IQUB: variants seen among roughly 807,000 people sequenced by gnomAD.
IQUB encodes IQ motif and ubiquitin domain containing.
Under a neutral mutation model 86.4 loss-of-function variants are expected in IQUB, and 86 were observed. That is an observed-to-expected ratio of 1.00 (90% confidence interval 0.84 to 1.19). The LOEUF is 1.19. IQUB is among the 50% of genes most tolerant of loss of function. IQUB has a pLI of 0.00. For synonymous variants in IQUB, 289 were observed against 304.5 expected, an observed-to-expected ratio of 0.95 and a Z score of 0.53; for missense variants, 946 against 916.9, an observed-to-expected ratio of 1.03 and a Z score of -0.41.
In IQUB at chr7:123,465,016, A is replaced by G. The variant is rs202070150; in HGVS notation, c.1582-7T>C. ...TTAGTTTACATTCATGTTCCTATATAAAACACAAAAATATATGGTATAAAA... is the reference window on the plus strand; with the variant it reads ...TTAGTTTACATTCATGTTCCTATATGAAACACAAAAATATATGGTATAAAA... On this transcript the variant is annotated splice_region_variant and splice_polypyrimidine_tract_variant and intron_variant, in intron 9 of 12. Coordinates refer to ENST00000324698, the MANE Select transcript of IQUB (RefSeq NM_178827.5). The G allele has an allele frequency of 1.1e-5, 17 of 1,517,180 alleles. No homozygotes were observed. In the East Asian group the frequency reaches 3.3e-4, roughly 30 times the overall value. 94.0% of individuals were successfully genotyped at this position (1,517,180 alleles called of 1,614,324 possible).
At chr7:123,524,907 T>C (rs202189733) in intron 1 of IQUB, among the ~76,000 whole-genome samples, 40,414 of 151,428 alleles carry the variant, frequency 0.27, 5,661 homozygotes, top group Middle Eastern at 0.36. Flanking sequence ...GTTTTTAGCA[T>C]GAAGTGTTGT....
chr7:123,533,955 TAAAGCTTAAC>T (rs1285172677), intron 1 of IQUB, among the ~76,000 whole-genome samples: 1 of 152,244 alleles, frequency 6.6e-6, no homozygotes, highest in African/African-American at 2.4e-5. Flanking sequence ...CCCTACCATT[TAAAGCTTAAC>T]ACATTTAGAA....
At chr7:123,498,469 CA>C (rs1173259283) in intron 6 of IQUB, among the ~76,000 whole-genome samples, 3 of 151,958 alleles carry the variant, frequency 2.0e-5, no homozygotes, top group African/African-American at 7.2e-5. Flanking sequence ...AAAAGACTGG[CA>C]AAAATTTTAT....
At chr7:123,522,575 G>C (rs1584650387) in intron 1 of IQUB, among the ~76,000 whole-genome samples, 1 of 151,994 alleles carries the variant, frequency 6.6e-6, no homozygotes, top group South Asian at 2.1e-4. Context: ...CACACAATAA[G>C]CATATAATAA....
chr7:123,458,143 A>G (rs1027358342), intron 11 of IQUB: 1 of 152,022 alleles, frequency 6.6e-6, no homozygotes, highest in Non-Finnish European at 1.5e-5. Context: ...GTGTTAATTA[A>G]AAGACTTGGT....
chr7:123,472,963 G>C (rs531290497), intron 8 of IQUB, among the ~76,000 whole-genome samples: 7 of 152,260 alleles, frequency 4.6e-5, no homozygotes, highest in African/African-American at 1.7e-4. Flanking sequence ...AGACAGCACA[G>C]ACCCTGGAAG....
rs577897693 is a variant in IQUB, at chr7:123,475,940, T to C, written c.1410+3855A>G. Among the ~76,000 whole-genome samples, 4 of 152,318 alleles carry C rather than the reference T, an allele frequency of 2.6e-5. No homozygotes were observed. In the South Asian group the frequency reaches 8.3e-4, roughly 32 times the overall value. ...TTATAGCTTTCCTACAGTAAATTCA[T>C]CTTTCCTAGAATTAATATATTTAAG... On this transcript the variant is annotated intron_variant, in intron 8 of 12. Transcript: ENST00000324698.
At chr7:123,457,753 C>T (rs932282871) in intron 11 of IQUB, among the ~76,000 whole-genome samples, 187 bp from the exon 12 acceptor site, 1 of 151,936 alleles carries the variant, frequency 6.6e-6, no homozygotes, top group Non-Finnish European at 1.5e-5. Context: ...CATTATCAGT[C>T]TCACAGTTGC....
At chr7:123,474,795 G>GT (rs1794677414) in intron 8 of IQUB, among the ~76,000 whole-genome samples, 2 of 152,174 alleles carry the variant, frequency 1.3e-5, no homozygotes, top group South Asian at 4.1e-4. Context: ...AAGTCCCATT[G>GT]TATCAACTAA....
rs1354946268 is a variant in IQUB at position 123,457,451 on chromosome 7, G to A, written c.2123C>T (p.Ser708Phe). ...GGTAAGAAGAATGCAGTTCCAGGGG[G>A]ACCACTCCAGGGATTTATTCCATCT... ...MVRWNKSLEW[S>F]PWNCILLTKD... The change falls in exon 12 of 13, where the codon TCC (serine) becomes TTC (phenylalanine). Residue 708 changes from serine to phenylalanine, a missense_variant. Coordinates refer to ENST00000324698, the MANE Select transcript of IQUB (RefSeq NM_178827.5). The A allele has an allele frequency of 6.8e-6, 11 of 1,611,876 alleles. No individual in the cohort carries two copies. Among genetic ancestry groups the A allele is most frequent in the Non-Finnish European group, 8.5e-6 (10 of 1,178,904 alleles).
chr7:123,503,147 C>G, intron 4 of IQUB, 31 bp from the exon 5 acceptor site: 1 of 1,609,202 alleles, frequency 6.2e-7, no homozygotes, highest in Non-Finnish European at 8.5e-7. Flanking sequence ...TCAATGAAAG[C>G]TCAACCAAGA....
intron 1 of IQUB, among the ~76,000 whole-genome samples, chr7:123,531,272 A>G (rs948702053): frequency 6.6e-6 from 1 of 152,228 alleles, no homozygotes; most frequent in African/African-American, 2.4e-5. Flanking sequence ...CGTGAGGACC[A>G]TATAGTAAAT....
At chr7:123,462,697 G>GATT (rs1794052312) in intron 10 of IQUB, 2 of 316,772 alleles carry the variant, frequency 6.3e-6, no homozygotes, top group South Asian at 2.6e-5. Context: ...TATCTTGAAT[G>GATT]ATTATTTTAT....
intron 11 of IQUB, among the ~76,000 whole-genome samples, chr7:123,458,392 A>T (rs1793817873): frequency 6.6e-6 from 1 of 151,922 alleles, no homozygotes; most frequent in Admixed American, 6.6e-5. Flanking sequence ...AGTACACAAA[A>T]CCTAAACAAT....
At chr7:123,475,180 C>T (rs750036167) in intron 8 of IQUB, among the ~76,000 whole-genome samples, 1 of 152,088 alleles carries the variant, frequency 6.6e-6, no homozygotes, top group East Asian at 1.9e-4. Context: ...TATCTAGTTC[C>T]CTCTAGAACA....
intron 3 of IQUB, among the ~76,000 whole-genome samples, chr7:123,506,108 T>C (rs749410302): frequency 2.0e-5 from 3 of 152,218 alleles, no homozygotes; most frequent in Non-Finnish European, 4.4e-5. Context: ...TGCTAAAGCA[T>C]AGCACGTGTG....
chr7:123,505,276 A>C (rs940919287), intron 3 of IQUB, among the ~76,000 whole-genome samples: 1 of 152,164 alleles, frequency 6.6e-6, no homozygotes, highest in African/African-American at 2.4e-5. Flanking sequence ...CAAGCTGCTA[A>C]TGGATCTACC....
intron 7 of IQUB, among the ~76,000 whole-genome samples, chr7:123,485,712 A>G (rs1302786556): frequency 6.6e-6 from 1 of 152,186 alleles, no homozygotes; most frequent in African/African-American, 2.4e-5. Context: ...AGCAGAACAT[A>G]CAATATTTTG....
chr7:123,504,879 A>G (rs1327873314), intron 3 of IQUB, among the ~76,000 whole-genome samples: 1 of 152,194 alleles, frequency 6.6e-6, no homozygotes, highest in African/African-American at 2.4e-5. Flanking sequence ...CAATAACTCT[A>G]AAGTCCACAG....
Sources: gnomAD v4.1 joint callset for allele counts (sites outside exome capture counted in the v4.1 genomes callset) on GRCh38, gnomAD v4.1.1 for gene constraint, MANE v1.5 for transcripts, NCBI Gene and HGNC (gene_info 2026-07-23, HGNC 2026-07-21) for gene names.